Variants in GALNTL6 observed in about 807,000 individuals in gnomAD.
GALNTL6 encodes polypeptide N-acetylgalactosaminyltransferase-like 6.
Under a neutral mutation model 73.7 loss-of-function variants are expected in GALNTL6, and 46 were observed. That is an observed-to-expected ratio of 0.62 (90% CI 0.49 to 0.80). The LOEUF is 0.80. GALNTL6 is among the 30% of genes least tolerant of loss of function. The pLI, the probability that GALNTL6 is intolerant of heterozygous loss-of-function variation, is 0.00. For synonymous variants in GALNTL6, 259 were observed against 263.7 expected, an observed-to-expected ratio of 0.98 and a Z score of 0.17; for missense variants, 604 against 755.0, an observed-to-expected ratio of 0.80 and a Z score of 2.34.
At chr4:173,028,769 G>A (rs571113667) in intron 12 of GALNTL6, among the ~76,000 whole-genome samples, 18 of 152,142 alleles carry the variant, frequency 1.2e-4, no homozygotes, top group Admixed American at 3.9e-4. Flanking sequence ...ACCTCCCAAC[G>A]ACCAAAAATA....
At chr4:172,807,239 T>C (rs940085881) in intron 5 of GALNTL6, among the ~76,000 whole-genome samples, 5 of 152,216 alleles carry the variant, frequency 3.3e-5, no homozygotes, top group Non-Finnish European at 7.3e-5. Context: ...AGAACTTGCC[T>C]CCTGGTTGAG....
chr4:172,190,270 A>G (rs1237603332), intron 2 of GALNTL6, among the ~76,000 whole-genome samples: 1 of 152,204 alleles, frequency 6.6e-6, no homozygotes, highest in African/African-American at 2.4e-5. Context: ...ATTGAAGCTC[A>G]TCTATTAATT....
Position 172,316,369 on chromosome 4 carries a change from G to A in GALNTL6, c.386+4617G>A, listed in dbSNP as rs1740541489. ...CCTGAGATAGACTTCTAAGGTGGCTGAGTAGCTGGGATATTTTAAAATTAA... is the reference window on the plus strand; with the variant it reads ...CCTGAGATAGACTTCTAAGGTGGCTAAGTAGCTGGGATATTTTAAAATTAA... On this transcript the variant is annotated intron_variant, in intron 4 of 12. Coordinates refer to ENST00000506823, the MANE Select transcript of GALNTL6 (RefSeq NM_001034845.3). Among the ~76,000 whole-genome samples the A allele has an allele frequency of 1.3e-5, 2 of 152,180 alleles. 1 individual carries two copies. The highest frequency in any genetic ancestry group is 4.1e-4 in the South Asian group (2 of 4,828).
chr4:172,169,550 A>G (rs1734744757), intron 2 of GALNTL6, among the ~76,000 whole-genome samples: 1 of 152,138 alleles, frequency 6.6e-6, no homozygotes, highest in African/African-American at 2.4e-5. Context: ...ACAGAGCTTT[A>G]AGTTTCACTT....
intron 5 of GALNTL6, among the ~76,000 whole-genome samples, chr4:172,709,719 T>A (rs1183803477): frequency 6.6e-6 from 1 of 152,198 alleles, no homozygotes; most frequent in African/African-American, 2.4e-5. Context: ...GACATACTGA[T>A]GATTTTGTAC....
At chr4:172,036,565 CTT>C (rs1268845997) in intron 2 of GALNTL6, among the ~76,000 whole-genome samples, 1 of 152,096 alleles carries the variant, frequency 6.6e-6, no homozygotes, top group African/African-American at 2.4e-5. Context: ...GCCAGTAACT[CTT>C]TTAAGCACTT....
At chr4:172,066,692 A>C (rs1731375796) in intron 2 of GALNTL6, among the ~76,000 whole-genome samples, 1 of 152,134 alleles carries the variant, frequency 6.6e-6, no homozygotes, top group Non-Finnish European at 1.5e-5. Context: ...TCATCTACAG[A>C]TAGTGTCACC....
intron 5 of GALNTL6, among the ~76,000 whole-genome samples, chr4:172,678,863 G>C (rs1004552346): frequency 6.6e-6 from 1 of 152,216 alleles, no homozygotes; most frequent in Non-Finnish European, 1.5e-5. Flanking sequence ...TCTCCCACCC[G>C]TGATTTCATG....
At chr4:172,939,401 T>A (rs1423443920) in intron 9 of GALNTL6, among the ~76,000 whole-genome samples, 1 of 152,232 alleles carries the variant, frequency 6.6e-6, no homozygotes, top group East Asian at 1.9e-4. Context: ...TTATTCTCTA[T>A]GATTGATATC....
chr4:171,982,053 A>G (rs1739912678), intron 2 of GALNTL6, among the ~76,000 whole-genome samples: 1 of 152,082 alleles, frequency 6.6e-6, no homozygotes, highest in African/African-American at 2.4e-5. Flanking sequence ...AACTACTACT[A>G]ATTTCTCACT....
intron 10 of GALNTL6, among the ~76,000 whole-genome samples, chr4:172,987,438 C>T (rs139172832): frequency 1.0e-3 from 158 of 152,286 alleles, no homozygotes; most frequent in African/African-American, 3.3e-3. Context: ...ACCACTGGGT[C>T]CCTCCCATGA....
chr4:172,048,022 A>G (rs1246968505), intron 2 of GALNTL6, among the ~76,000 whole-genome samples: 1 of 152,058 alleles, frequency 6.6e-6, no homozygotes, highest in Non-Finnish European at 1.5e-5. Context: ...AACATCGCAA[A>G]CTCTTTGTGT....
At chr4:172,877,622 G>A (rs1358738004) in intron 7 of GALNTL6, among the ~76,000 whole-genome samples, 2 of 151,598 alleles carry the variant, frequency 1.3e-5, no homozygotes, top group Admixed American at 6.6e-5. Flanking sequence ...TCTACCATAT[G>A]AGTAAAAAGG....
intron 2 of GALNTL6, among the ~76,000 whole-genome samples, chr4:171,834,037 A>G (rs1735041583): frequency 6.6e-6 from 1 of 151,832 alleles, no homozygotes; most frequent in Admixed American, 6.6e-5. Context: ...AAAAAAAAAG[A>G]TTTCACTTAC....
In GALNTL6 at chr4:172,914,385, T is replaced by A. The variant is rs183567898; in HGVS notation, c.1042-16776T>A. Reference sequence around the variant, plus strand: ...CTAACGTCATAATGACAGGATCAAATTCACACATAACTATATTAACCTTAA... The same window carrying A: ...CTAACGTCATAATGACAGGATCAAAATCACACATAACTATATTAACCTTAA... On this transcript the variant is annotated intron_variant, in intron 8 of 12. Coordinates refer to ENST00000506823, the MANE Select transcript of GALNTL6 (RefSeq NM_001034845.3). Among the ~76,000 whole-genome samples the A allele has an allele frequency of 1.5e-3, 225 of 152,308 alleles. 2 individuals are homozygous for A. The highest frequency in any genetic ancestry group is 6.8e-3 in the Middle Eastern group (2 of 294).
intron 7 of GALNTL6, among the ~76,000 whole-genome samples, chr4:172,861,725 A>G (rs1387817640): frequency 6.6e-6 from 1 of 152,222 alleles, no homozygotes; most frequent in Non-Finnish European, 1.5e-5. Context: ...CATGATAGTG[A>G]ATAAGTCTCA....
chr4:172,970,086 G>T (rs1270700946), intron 10 of GALNTL6, among the ~76,000 whole-genome samples: 2 of 152,096 alleles, frequency 1.3e-5, no homozygotes, highest in African/African-American at 2.4e-5. Context: ...CAGGGAGTAG[G>T]TCACAAAGAT....
At chr4:172,652,281 C>T (rs556415182) in intron 5 of GALNTL6, among the ~76,000 whole-genome samples, 1 of 152,154 alleles carries the variant, frequency 6.6e-6, no homozygotes, top group South Asian at 2.1e-4. Flanking sequence ...CAAAAAAGAA[C>T]AGGGTGATTT....
intron 5 of GALNTL6, among the ~76,000 whole-genome samples, chr4:172,475,355 A>G (rs917714045): frequency 2.0e-5 from 3 of 152,090 alleles, no homozygotes; most frequent in Non-Finnish European, 2.9e-5. Context: ...AATTGGAAGT[A>G]TCTCATGATT....
Sources: allele counts gnomAD v4.1 joint callset (sites outside exome capture counted in the v4.1 genomes callset), GRCh38; gene constraint gnomAD v4.1.1; transcripts MANE v1.5; gene names NCBI Gene and HGNC (gene_info 2026-07-23, HGNC 2026-07-21).